Variants in RNF216 observed in about 807,000 individuals in gnomAD.
The protein encoded by RNF216 is E3 ubiquitin-protein ligase RNF216.
RNF216 carries 72 observed loss-of-function variants against 110.8 expected under a neutral mutation model. The ratio of observed to expected loss-of-function variants is 0.65; its 90% CI spans 0.54 to 0.79. RNF216 has a LOEUF of 0.79. Among genes scored for constraint, RNF216 ranks in the 30% least tolerant of loss-of-function variants. The pLI is 0.00. For missense variants in RNF216, 1,342 were observed against 1,141.2 expected (o/e 1.18, Z -2.54); for synonymous variants, 495 against 407.5 (o/e 1.21, Z -2.59).
At chr7:5,708,433 A>G (rs1209856910) in intron 13 of RNF216, among the ~76,000 whole-genome samples, 1 of 152,218 alleles carries the variant, frequency 6.6e-6, no homozygotes, top group East Asian at 1.9e-4. Context: ...GATGGTCTCC[A>G]ACTTACAATG....
chr7:5,765,136 C>T (rs10233203), intron 1 of RNF216, among the ~76,000 whole-genome samples: 1,581 of 150,916 alleles, frequency 0.01, 27 homozygotes, highest in African/African-American at 0.036. Flanking sequence ...AGAGAGTTTA[C>T]CTCCCACAGA....
chr7:5,748,487 T>C (rs181846679), intron 3 of RNF216, among the ~76,000 whole-genome samples: 2 of 152,292 alleles, frequency 1.3e-5, no homozygotes, highest in East Asian at 3.9e-4. Flanking sequence ...CTTGAACTCT[T>C]GGCCTTGGCC....
At chr7:5,693,689 A>C (rs914135257) in intron 13 of RNF216, among the ~76,000 whole-genome samples, 3 of 152,168 alleles carry the variant, frequency 2.0e-5, no homozygotes, top group Non-Finnish European at 4.4e-5. Context: ...CCCCTTTGCT[A>C]TATCAAAGCT....
chr7:5,740,362 G>A (rs777015085), intron 4 of RNF216, among the ~76,000 whole-genome samples: 3 of 152,056 alleles, frequency 2.0e-5, no homozygotes, highest in Non-Finnish European at 2.9e-5. Flanking sequence ...TCCTGATCTT[G>A]TGATCCACCC....
intron 15 of RNF216, among the ~76,000 whole-genome samples, chr7:5,633,658 T>G (rs887180252): frequency 6.6e-6 from 1 of 152,166 alleles, no homozygotes; most frequent in African/African-American, 2.4e-5. Context: ...TTCCTTTCCT[T>G]GAATTCCTTT....
In RNF216 at chr7:5,621,113, T is replaced by C. The variant is rs1451997471; in HGVS notation, c.*1747A>G. Reference sequence around the variant, plus strand: ...TGCGCACCCTTACCCCAGGTCCAGGTGACCACCTGTCTTCAAAGCCTCCAT... The same window carrying C: ...TGCGCACCCTTACCCCAGGTCCAGGCGACCACCTGTCTTCAAAGCCTCCAT... On this transcript the variant is annotated 3_prime_UTR_variant, in exon 17 of 17. Transcript: ENST00000389902. 5 of 151,460 alleles carry C rather than the reference T, an allele frequency of 3.3e-5. No individual in the cohort carries two copies. Among genetic ancestry groups the C allele is most frequent in the African/African-American group, 1.2e-4 (5 of 41,096 alleles). 9.4% of individuals were successfully genotyped at this position (151,460 alleles called of 1,614,324 possible).
intron 3 of RNF216, among the ~76,000 whole-genome samples, chr7:5,747,746 C>CAAAAAAAAAAAA (rs1207043505): frequency 1.4e-4 from 1 of 7,016 alleles, no homozygotes; most frequent in Non-Finnish European, 2.4e-4. Context: ...GACTCCATCT[C>CAAAAAAAAAAAA]AAAAAAAAAA....
At chr7:5,736,732 G>A (rs904115893) in intron 5 of RNF216, among the ~76,000 whole-genome samples, 5 of 149,900 alleles carry the variant, frequency 3.3e-5, no homozygotes, top group Admixed American at 2.0e-4. Flanking sequence ...CTGCCCCGCC[G>A]CCCCATCTGG....
intron 1 of RNF216, among the ~76,000 whole-genome samples, chr7:5,768,346 T>TACATACACACACAC (rs71547789): frequency 1.4e-5 from 1 of 71,886 alleles, no homozygotes; most frequent in Admixed American, 2.0e-4. Flanking sequence ...GGCAGGCAAA[T>TACATACACACACAC]ACACACACAC....
At chr7:5,701,140 A>G (rs1464523709) in intron 13 of RNF216, among the ~76,000 whole-genome samples, 1 of 152,180 alleles carries the variant, frequency 6.6e-6, no homozygotes, top group Non-Finnish European at 1.5e-5. Flanking sequence ...GGCTCTCCCC[A>G]GGTTGCACAG....
intron 13 of RNF216, among the ~76,000 whole-genome samples, chr7:5,678,136 A>T (rs1790424077): frequency 6.6e-6 from 1 of 152,166 alleles, no homozygotes; most frequent in Non-Finnish European, 1.5e-5. Flanking sequence ...CCGGCTACAT[A>T]AATTTGCCAA....
intron 2 of RNF216, among the ~76,000 whole-genome samples, chr7:5,754,672 A>G (rs1159520880): frequency 1.3e-5 from 2 of 152,192 alleles, no homozygotes; most frequent in Non-Finnish European, 2.9e-5. Flanking sequence ...AGGAAATTGT[A>G]GATTCCTCTC....
chr7:5,703,682 T>C (rs900099329), intron 13 of RNF216, among the ~76,000 whole-genome samples: 1 of 152,210 alleles, frequency 6.6e-6, no homozygotes, highest in African/African-American at 2.4e-5. Flanking sequence ...GATGGGTGGT[T>C]ACACAACCAC....
At chr7:5,639,631 T>C (rs1787610312) in intron 15 of RNF216, among the ~76,000 whole-genome samples, 1 of 151,942 alleles carries the variant, frequency 6.6e-6, no homozygotes, top group Admixed American at 6.6e-5. Context: ...CGGCTAATAT[T>C]TATATTTTTA....
intron 13 of RNF216, among the ~76,000 whole-genome samples, chr7:5,681,239 G>C (rs1238390990): frequency 6.6e-6 from 1 of 152,134 alleles, no homozygotes; most frequent in Non-Finnish European, 1.5e-5. Flanking sequence ...CCTAATGTAG[G>C]AACCTCCCTA....
At position 5,756,900 on chromosome 7, in the gene RNF216, T is replaced by C. The variant is rs555611708; in HGVS notation, c.68-3921A>G. Among the ~76,000 whole-genome samples, 3 of 152,316 alleles carry C rather than the reference T, an allele frequency of 2.0e-5. No individual in the cohort carries two copies. The South Asian group carries it at 6.2e-4, about 32-fold the overall frequency. The stretch of plus-strand genomic sequence containing the variant: ...ATCCTCCCACTTTGGCCTTCCAAAG[T>C]GCTGGCATTACAAGCATGAGCCACT... On this transcript the variant is annotated intron_variant, in intron 2 of 16. Coordinates refer to ENST00000389902, the MANE Select transcript of RNF216 (RefSeq NM_207111.4).
intron 3 of RNF216, among the ~76,000 whole-genome samples, chr7:5,743,671 T>C (rs2128656166): frequency 6.6e-6 from 1 of 152,294 alleles, no homozygotes; most frequent in East Asian, 1.9e-4. Flanking sequence ...TACACATGGA[T>C]ACATACAAAT....
intron 2 of RNF216, 46 bp from the exon 3 acceptor site, chr7:5,753,025 A>G (rs900347031): frequency 6.3e-6 from 10 of 1,576,746 alleles, no homozygotes; most frequent in African/African-American, 1.4e-5. Flanking sequence ...TGGCACTATC[A>G]CATCCAACTC....
At chr7:5,747,779 G>A (rs1367266742) in intron 3 of RNF216, among the ~76,000 whole-genome samples, 138 of 98,030 alleles carry the variant, frequency 1.4e-3, no homozygotes, top group South Asian at 9.7e-3. Context: ...AAAAAAAGGG[G>A]AAAAAAAAAG....
Sources: allele counts gnomAD v4.1 joint callset (sites outside exome capture counted in the v4.1 genomes callset), GRCh38; gene constraint gnomAD v4.1.1; transcripts MANE v1.5; gene names NCBI Gene and HGNC (gene_info 2026-07-23, HGNC 2026-07-21).